The following HECW1 variants were observed in gnomAD, a reference collection of about 807,000 sequenced individuals.
The protein encoded by HECW1 is HECT, C2 and WW domain containing E3 ubiquitin protein ligase 1.
Under a neutral mutation model 182.3 loss-of-function variants are expected in HECW1, and 61 were observed. The observed-to-expected ratio is 0.33, with a 90% CI of 0.27 to 0.41. HECW1 has a LOEUF of 0.41. Ranked by LOEUF, HECW1 falls within the 10% of genes least tolerant of loss-of-function variation. HECW1 has a pLI of 1.00. For missense variants in HECW1, 1,739 were observed against 2,108.9 expected (o/e 0.82, Z 3.44); for synonymous variants, 859 against 832.6 (o/e 1.03, Z -0.55).
intron 2 of HECW1, among the ~76,000 whole-genome samples, chr7:43,125,781 G>A (rs1351701480): frequency 6.9e-5 from 5 of 72,590 alleles, no homozygotes; most frequent in African/African-American, 2.7e-4. Context: ...AAAAAAAAAA[G>A]AGTGAGGCAT....
chr7:43,282,768 T>C (rs1195874496), intron 3 of HECW1, among the ~76,000 whole-genome samples: 1 of 152,154 alleles, frequency 6.6e-6, no homozygotes, highest in African/African-American at 2.4e-5. Context: ...ACTGACAATG[T>C]ATAGAATCAA....
intron 5 of HECW1, among the ~76,000 whole-genome samples, chr7:43,347,051 G>C (rs777708979): frequency 6.6e-6 from 1 of 152,030 alleles, no homozygotes; most frequent in African/African-American, 2.4e-5. Flanking sequence ...ATTCTGAAGG[G>C]GATTGCATTG....
At chr7:43,317,838 TG>T (rs1562828088) in intron 4 of HECW1, among the ~76,000 whole-genome samples, 7 of 151,918 alleles carry the variant, frequency 4.6e-5, no homozygotes, top group African/African-American at 1.7e-4. Flanking sequence ...TGTGTGTGTG[TG>T]TGTGTGTGTG....
intron 5 of HECW1, among the ~76,000 whole-genome samples, chr7:43,341,964 G>A (rs1260436658): frequency 6.6e-6 from 1 of 151,690 alleles, no homozygotes; most frequent in Admixed American, 6.5e-5. Context: ...AGGGTTTGTT[G>A]TTGTTTTGGT....
chr7:43,390,584 T>A (rs2074989753), intron 6 of HECW1, among the ~76,000 whole-genome samples: 1 of 143,968 alleles, frequency 6.9e-6, no homozygotes. Flanking sequence ...AGGCAGAATA[T>A]GAACAAAATA....
intron 6 of HECW1, among the ~76,000 whole-genome samples, chr7:43,365,382 G>A (rs1816504763): frequency 6.6e-6 from 1 of 152,240 alleles, no homozygotes; most frequent in South Asian, 2.1e-4. Flanking sequence ...AGGTAGCTGG[G>A]GAATGACTCT....
At chr7:43,247,842 G>A (rs547318117) in intron 3 of HECW1, among the ~76,000 whole-genome samples, 1 of 119,668 alleles carries the variant, frequency 8.4e-6, no homozygotes, top group Non-Finnish European at 1.6e-5. Flanking sequence ...AAGAAGGAAG[G>A]AAGAAGGAAG....
chr7:43,114,652 T>A (rs1327300044), intron 2 of HECW1, among the ~76,000 whole-genome samples: 2 of 152,262 alleles, frequency 1.3e-5, no homozygotes, highest in African/African-American at 4.8e-5. Flanking sequence ...GTGTTTTATT[T>A]AATAATCCAC....
At chr7:43,237,949 G>A (rs941604709) in intron 2 of HECW1, among the ~76,000 whole-genome samples, 1 of 152,158 alleles carries the variant, frequency 6.6e-6, no homozygotes, top group Non-Finnish European at 1.5e-5. Flanking sequence ...AGGGCCCTTG[G>A]TTGCTCAGGG....
intron 2 of HECW1, among the ~76,000 whole-genome samples, chr7:43,152,275 T>C (rs1789417543): frequency 6.6e-6 from 1 of 152,206 alleles, no homozygotes; most frequent in African/African-American, 2.4e-5. Flanking sequence ...AAGTGAAAGA[T>C]AGTACATACG....
intron 3 of HECW1, among the ~76,000 whole-genome samples, chr7:43,297,347 C>G (rs1806176686): frequency 6.6e-6 from 1 of 152,228 alleles, no homozygotes; most frequent in South Asian, 2.1e-4. Context: ...ACTTCCTAAT[C>G]AGCAGGTAGA....
intron 26 of HECW1, among the ~76,000 whole-genome samples, chr7:43,549,349 G>T (rs4724219): frequency 0.15 from 22,217 of 152,172 alleles, 1,873 homozygotes; most frequent in East Asian, 0.34. Context: ...AAAAGAAAAA[G>T]TCACCATCAG....
intron 2 of HECW1, among the ~76,000 whole-genome samples, chr7:43,150,441 C>T (rs1789172980): frequency 6.6e-6 from 1 of 152,068 alleles, no homozygotes; most frequent in African/African-American, 2.4e-5. Context: ...TGCAGTGGTG[C>T]AATGTCAGCT....
intron 24 of HECW1, among the ~76,000 whole-genome samples, chr7:43,528,581 A>G (rs965537521): frequency 1.3e-5 from 2 of 152,178 alleles, no homozygotes; most frequent in African/African-American, 4.8e-5. Context: ...CCATCTCTAT[A>G]TGGTCAGAGG....
In HECW1 at chr7:43,114,185, A is replaced by T; in HGVS notation, c.-238A>T. The T allele has an allele frequency of 8.0e-7, 1 of 1,246,074 alleles. No individual in the cohort carries two copies. Among genetic ancestry groups the T allele is most frequent in the Non-Finnish European group, 1.1e-6 (1 of 949,162 alleles). 77.2% of individuals were successfully genotyped at this position (1,246,074 alleles called of 1,614,324 possible). A position where few individuals can be genotyped will look rare whatever the true frequency, so the allele number is the denominator to read the frequency against. On this transcript the variant is annotated 5_prime_UTR_variant, in exon 2 of 30. Coordinates refer to ENST00000395891, the MANE Select transcript of HECW1 (RefSeq NM_015052.5). ...TCAATGCTATGTTCAGCAGAAACGG[A>T]TACAGCAAGAGCAGCATAGTTCAAA...
In HECW1 at chr7:43,493,156, G is replaced by A; in HGVS notation, c.3413G>A (p.Ser1138Asn). ...GAAATGCTGCAAGAGCGTCAGCCAAGCTTAGCAAGAAACCACACACTCAGG... is the reference window on the plus strand; with the variant it reads ...GAAATGCTGCAAGAGCGTCAGCCAAACTTAGCAAGAAACCACACACTCAGG... Reference protein sequence around the residue: ...IFEMLQERQPSLARNHTLREK... With the variant: ...IFEMLQERQPNLARNHTLREK... Residue 1138 changes from serine (S) to asparagine (N), a missense_variant, in exon 19 of 30, where the codon AGC becomes AAC. Around this residue, in one of 5 missense-constraint regions of HECW1, gnomAD observed 971 missense variants for 1,029.1 expected, o/e 0.94. Coordinates refer to ENST00000395891, the MANE Select transcript of HECW1 (RefSeq NM_015052.5). The A allele has an allele frequency of 1.2e-6, 2 of 1,613,568 alleles. No homozygotes were observed. The highest frequency in any genetic ancestry group is 8.5e-7 in the Non-Finnish European group (1 of 1,179,656).
At chr7:43,341,141 A>G (rs541044311) in intron 5 of HECW1, among the ~76,000 whole-genome samples, 83 of 151,564 alleles carry the variant, frequency 5.5e-4, no homozygotes, top group South Asian at 2.1e-3. Flanking sequence ...AGGGAATATC[A>G]CACCCCAGGG....
intron 2 of HECW1, among the ~76,000 whole-genome samples, chr7:43,198,271 C>G (rs1056012034): frequency 9.3e-5 from 14 of 150,556 alleles, no homozygotes; most frequent in African/African-American, 3.4e-4. Context: ...TCACACACAC[C>G]CCACACTCAC....
At chr7:43,266,216 G>A (rs545156178) in intron 3 of HECW1, among the ~76,000 whole-genome samples, 1 of 152,296 alleles carries the variant, frequency 6.6e-6, no homozygotes, top group Non-Finnish European at 1.5e-5. Context: ...CCATCCTGAA[G>A]CTGTCTAGGG....
Sources: allele counts gnomAD v4.1 joint callset (sites outside exome capture counted in the v4.1 genomes callset), GRCh38; gene constraint gnomAD v4.1.1; regional missense constraint gnomAD v4.1.1; transcripts MANE v1.5; gene names NCBI Gene and HGNC (gene_info 2026-07-23, HGNC 2026-07-21).